Variants in PLCH2 observed in about 807,000 individuals in gnomAD.
The protein encoded by PLCH2 is phospholipase C eta 2.
Under a neutral mutation model 134.7 loss-of-function variants are expected in PLCH2, and 98 were observed. The ratio of observed to expected loss-of-function variants is 0.73; its 90% confidence interval spans 0.62 to 0.86. The LOEUF is 0.86. PLCH2 is among the 40% of genes least tolerant of loss of function. The pLI is 0.00. For synonymous variants in PLCH2, 974 were observed against 827.5 expected (o/e 1.18, Z -3.04); for missense variants, 1,994 against 1,986.6 (o/e 1.00, Z -0.07).
chr1:2,468,073 T>TG (rs1641153018), intron 1 of PLCH2, among the ~76,000 whole-genome samples: 1 of 151,988 alleles, frequency 6.6e-6, no homozygotes, highest in Non-Finnish European at 1.5e-5. Context: ...ACTGCTCGGG[T>TG]GGGGGGCAGG....
chr1:2,472,311 G>C (rs1029289805), upstream of PLCH2, among the ~76,000 whole-genome samples: 4 of 152,212 alleles, frequency 2.6e-5, no homozygotes, highest in African/African-American at 9.6e-5. Flanking sequence ...GATCTCCAGT[G>C]AGCACTGTGG....
intron 2 of PLCH2, among the ~76,000 whole-genome samples, chr1:2,456,865 G>A (rs1353124273): frequency 1.3e-5 from 2 of 152,162 alleles, no homozygotes; most frequent in Admixed American, 1.3e-4. Flanking sequence ...GCGGAGAGCA[G>A]GTCTCACAGC....
At position 2,494,957 on chromosome 1, in the gene PLCH2, C is replaced by T; in HGVS notation, c.1752+9C>T. The T allele has an allele frequency of 6.4e-7, 1 of 1,571,474 alleles. No individual in the cohort carries two copies. Among genetic ancestry groups the T allele is most frequent in the Non-Finnish European group, 8.6e-7 (1 of 1,160,536 alleles). ...GCTTCTCCAGGCGCAAGGTCCGGCG[C>T]AGCTCCCAGGCCAGGGTCCCGGTCT... On this transcript the variant is annotated intron_variant, in intron 12 of 21. Coordinates refer to ENST00000378486, the MANE Select transcript of PLCH2 (RefSeq NM_014638.4).
chr1:2,457,637 C>A (rs1264891039), intron 2 of PLCH2, among the ~76,000 whole-genome samples: 1 of 152,096 alleles, frequency 6.6e-6, no homozygotes, highest in Non-Finnish European at 1.5e-5. Context: ...GACCTGCAGG[C>A]AGTCAGGGAG....
intron 19 of PLCH2, among the ~76,000 whole-genome samples, 194 bp from the exon 20 acceptor site, chr1:2,499,447 G>A (rs1300292096): frequency 1.3e-5 from 2 of 152,138 alleles, no homozygotes; most frequent in African/African-American, 2.4e-5. Flanking sequence ...AGAGGTCCCT[G>A]CAGGCTGGTG....
chr1:2,498,670 CG>C lies in PLCH2; in HGVS notation c.2349+26del. 1 of 313,864 alleles carries C rather than the reference CG, an allele frequency of 3.2e-6. No homozygotes were observed. The highest frequency in any genetic ancestry group is 5.1e-6 in the Non-Finnish European group (1 of 197,388). 19.4% of individuals were successfully genotyped at this position (313,864 alleles called of 1,614,324 possible). On this transcript the variant is annotated intron_variant, in intron 17 of 21. Coordinates refer to ENST00000378486, the MANE Select transcript of PLCH2 (RefSeq NM_014638.4). This position sits in a 1 kb window ranked among gnomAD's most constrained non-coding sequence, Gnocchi z 5.4. ...GAGGTGGGGGCCAGCCCCACACAGG[CG>C]GGAGGGGTGGGAGTTGGGGGCGGGC...
At chr1:2,477,489 G>T (rs1182546865) in intron 1 of PLCH2, among the ~76,000 whole-genome samples, 1 of 152,208 alleles carries the variant, frequency 6.6e-6, no homozygotes, top group Non-Finnish European at 1.5e-5. Context: ...TGCAGACCTG[G>T]GGTGGGGATT....
rs773907856 is a variant in PLCH2 at position 2,489,210 on chromosome 1, C to G, written c.1239C>G (p.Tyr413Ter). 1 of 1,613,432 alleles carries G rather than the reference C, an allele frequency of 6.2e-7. No individual in the cohort carries two copies. The highest frequency in any genetic ancestry group is 1.3e-5 in the African/African-American group (1 of 74,926). ...INKYAFIKNE[Y>*]PVILSIENHC... ...TCTTTCTGCCTTGGGGCCACAGGTA[C>G]CCAGTGATCCTGTCCATCGAAAACC... is the stretch of plus-strand genomic sequence containing the variant. Residue 413 changes from tyrosine to a stop codon, truncating the protein, a stop_gained, in exon 9 of 22, where the codon TAC (tyrosine) becomes TAG (stop). Coordinates refer to ENST00000378486, the MANE Select transcript of PLCH2 (RefSeq NM_014638.4). LOFTEE classifies it high-confidence loss of function.
rs1252116826 is a variant in PLCH2, at chr1:2,499,085, G to A, written c.2436G>A (p.Gly812=). 2 of 1,608,990 alleles carry A rather than the reference G, an allele frequency of 1.2e-6. No homozygotes were observed. The highest frequency in any genetic ancestry group is 1.7e-5 in the Admixed American group (1 of 59,506). Residue 812 remains glycine (G), a splice_region_variant and synonymous_variant, in exon 19 of 22, where the codon GGG becomes GGA. Coordinates refer to ENST00000378486, the MANE Select transcript of PLCH2 (RefSeq NM_014638.4). ...CTCCTCCTGGCGCTGCTTCCCCAGG[G>A]TTCAACCCCACCTGGGAGGAGACCC... ...REQTRVVDDN[G]FNPTWEETLV... is the part of the protein sequence containing the mutation.
chr1:2,427,935 T>G (rs1274267320), intron 1 of PLCH2, among the ~76,000 whole-genome samples: 2 of 152,072 alleles, frequency 1.3e-5, no homozygotes, highest in African/African-American at 2.4e-5. Flanking sequence ...CTGTAGGACC[T>G]GCTGAGTGGG....
intron 2 of PLCH2, among the ~76,000 whole-genome samples, chr1:2,454,691 C>T (rs962550142): frequency 2.0e-5 from 3 of 152,140 alleles, no homozygotes; most frequent in African/African-American, 7.2e-5. Flanking sequence ...CCCCAGGGGC[C>T]CCCAGGGTCT....
rs923439841 is a variant in PLCH2, at chr1:2,439,806, G to T, written c.115+9177G>T. ...TTCTTCTCCACTGAGGAAAGGCATT[G>T]CCTGAGAGACACCGCAGCCAGGCCT... On this transcript the variant is annotated intron_variant, in intron 2 of 3. Transcript: ENST00000609981. The surrounding 1 kb of genome is among the most constrained non-coding windows in gnomAD (Gnocchi z 4.7). 2.0e-5 allele frequency among the ~76,000 whole-genome samples: 3 copies of T among 152,176 alleles called. No homozygotes were observed. The highest frequency in any genetic ancestry group is 2.0e-4 in the Admixed American group (3 of 15,290).
intron 2 of PLCH2, among the ~76,000 whole-genome samples, chr1:2,436,824 G>A (rs1329861317): frequency 6.6e-6 from 1 of 152,236 alleles, no homozygotes; most frequent in Non-Finnish European, 1.5e-5. Context: ...AAGAGGGCAG[G>A]GTTGGTCTTC....
chr1:2,455,537 A>G (rs1640448072), intron 2 of PLCH2, among the ~76,000 whole-genome samples: 1 of 152,176 alleles, frequency 6.6e-6, no homozygotes, highest in African/African-American at 2.4e-5. Flanking sequence ...GCCTTCCTGC[A>G]GGTGGAGTTA....
intron 13 of PLCH2, among the ~76,000 whole-genome samples, chr1:2,496,315 G>A (rs1642880620): frequency 6.6e-6 from 1 of 152,152 alleles, no homozygotes; most frequent in African/African-American, 2.4e-5. Context: ...GCTCTCCCCT[G>A]CTCAGAACCT....
At chr1:2,503,486 C>T (rs1643350703) in intron 21 of PLCH2, 2 of 626,716 alleles carry the variant, frequency 3.2e-6, no homozygotes, top group South Asian at 1.8e-5. Flanking sequence ...TGGGCTGAAG[C>T]ACCCCACTAG....
intron 11 of PLCH2, 147 bp downstream of exon 11, chr1:2,491,482 A>C: frequency 2.5e-6 from 2 of 804,770 alleles, no homozygotes; most frequent in South Asian, 3.5e-5. Context: ...CTCTGTACAC[A>C]CCTCCGCACA....
At chr1:2,486,098 G>T (rs1234880780) in intron 5 of PLCH2, among the ~76,000 whole-genome samples, 2 of 152,204 alleles carry the variant, frequency 1.3e-5, no homozygotes, top group African/African-American at 4.8e-5. Context: ...TGGGTGACCT[G>T]GCTGCAGATA....
At chr1:2,426,501 C>T (rs1441509176) in intron 1 of PLCH2, among the ~76,000 whole-genome samples, 2 of 152,312 alleles carry the variant, frequency 1.3e-5, no homozygotes, top group Non-Finnish European at 1.5e-5. Context: ...CCTTTCCCTC[C>T]GGGTCAGAGT....
Sources: gnomAD v4.1 joint callset for allele counts (sites outside exome capture counted in the v4.1 genomes callset) on GRCh38, gnomAD v4.1.1 for gene constraint, Gnocchi (gnomAD v3.1) non-coding constraint, MANE v1.5 for transcripts, NCBI Gene and HGNC (gene_info 2026-07-23, HGNC 2026-07-21) for gene names.